FBXW4: variants seen among roughly 807,000 people sequenced by gnomAD.
FBXW4 encodes the protein F-box/WD repeat-containing protein 4.
In FBXW4, 40 loss-of-function variants were observed where a neutral mutation model predicts 61.8. The ratio of observed to expected loss-of-function variants is 0.65; its 90% CI spans 0.50 to 0.84. The LOEUF (loss-of-function observed/expected upper bound fraction) is 0.84, where lower values mean the gene tolerates loss of function less well. Ranked by LOEUF, FBXW4 falls within the 40% of genes least tolerant of loss-of-function variation. The pLI is 0.00. For synonymous variants in FBXW4, 311 were observed against 313.8 expected (o/e 0.99, Z 0.10); for missense variants, 672 against 753.8 (o/e 0.89, Z 1.27).
At chr10:101,679,251 C>A (rs2064447757) in intron 1 of FBXW4, among the ~76,000 whole-genome samples, 2 of 152,206 alleles carry the variant, frequency 1.3e-5, no homozygotes, top group Admixed American at 1.3e-4. Flanking sequence ...ATAAATCTCT[C>A]TGGATCATTA....
intron 5 of FBXW4, among the ~76,000 whole-genome samples, chr10:101,645,987 G>A (rs145784702): frequency 2.0e-5 from 3 of 152,244 alleles, no homozygotes; most frequent in Non-Finnish European, 2.9e-5. Context: ...GTACCTATCT[G>A]GGGGGATTAA....
intron 5 of FBXW4, among the ~76,000 whole-genome samples, chr10:101,633,310 A>G (rs756387245): frequency 4.6e-5 from 7 of 152,216 alleles, no homozygotes; most frequent in Non-Finnish European, 1.0e-4. Flanking sequence ...GGGGACATCA[A>G]TGAAGCTGGA....
intron 1 of FBXW4, among the ~76,000 whole-genome samples, chr10:101,693,854 A>C (rs76613904): frequency 0.015 from 2,345 of 152,234 alleles, 53 homozygotes; most frequent in African/African-American, 0.054. Context: ...ATGAAGTCAT[A>C]AACTATGGCT....
chr10:101,684,455 A>C (rs1319055196), intron 1 of FBXW4, among the ~76,000 whole-genome samples: 1 of 152,152 alleles, frequency 6.6e-6, no homozygotes. Flanking sequence ...TGTTTAATAG[A>C]GATGGGGTTT....
intron 4 of FBXW4, among the ~76,000 whole-genome samples, chr10:101,670,616 A>G (rs766213959): frequency 2.4e-4 from 36 of 152,198 alleles, no homozygotes; most frequent in Non-Finnish European, 4.9e-4. Context: ...TCTCATCCTA[A>G]GGATAAGAGG....
chr10:101,631,180 C>T (rs924883389), intron 5 of FBXW4, among the ~76,000 whole-genome samples: 5 of 152,164 alleles, frequency 3.3e-5, no homozygotes, highest in African/African-American at 1.2e-4. Context: ...ATACCATTAC[C>T]TCAAAGAGAC....
chr10:101,633,953 A>G (rs1259812906), intron 5 of FBXW4, among the ~76,000 whole-genome samples: 1 of 151,906 alleles, frequency 6.6e-6, no homozygotes, highest in Non-Finnish European at 1.5e-5. Flanking sequence ...TAAAAAATAT[A>G]TATATATAAA....
rs2064663058 is a variant in FBXW4, at chr10:101,695,112, C to CCGCGGGGCCGGCCCGA, written c.-23_-8dup. 1 of 985,358 alleles carries CCGCGGGGCCGGCCCGA rather than the reference C, an allele frequency of 1.0e-6. No individual in the cohort carries two copies. Among genetic ancestry groups the CCGCGGGGCCGGCCCGA allele is most frequent in the Non-Finnish European group, 1.2e-6 (1 of 830,228 alleles). 61.0% of individuals were successfully genotyped at this position (985,358 alleles called of 1,614,324 possible). A position where few individuals can be genotyped will look rare whatever the true frequency, so the allele number is the denominator to read the frequency against. ...AGCGGCCCTGGCTGCCCATGAGCGG[C>CCGCGGGGCCGGCCCGA]CGCGGGGCCGGCCCGACGCGGAGCC... On this transcript the variant is annotated 5_prime_UTR_variant, in exon 1 of 9. Transcript: ENST00000331272. This position sits in a 1 kb window ranked among gnomAD's most constrained non-coding sequence, Gnocchi z 4.2.
rs771521057 is a variant in FBXW4 at position 101,667,230 on chromosome 10, C to CA, written c.1235+655dup. 8.6e-3 allele frequency among the ~76,000 whole-genome samples: 461 copies of CA among 53,852 alleles called. 1 individual carries two copies. The highest frequency in any genetic ancestry group is 0.012 in the Non-Finnish European group (306 of 26,240). The allele number at this position is 53,852 out of a possible 152,430, so 35.3% of individuals were successfully genotyped here. A position where few individuals can be genotyped will look rare whatever the true frequency, so the allele number is the denominator to read the frequency against. On this transcript the variant is annotated intron_variant, in intron 5 of 8. Transcript: ENST00000331272. ...TGGGTGACAGAGCGAGACTCCGTCT[C>CA]AAAAAAAAAAAAAAACCAAACACCC...
chr10:101,667,535 G>A (rs968654779), intron 5 of FBXW4, among the ~76,000 whole-genome samples: 3 of 152,102 alleles, frequency 2.0e-5, no homozygotes, highest in Non-Finnish European at 2.9e-5. Flanking sequence ...TGTCACCTCC[G>A]AGAGGTGGTG....
intron 4 of FBXW4, among the ~76,000 whole-genome samples, chr10:101,672,168 G>A (rs2064363567): frequency 6.6e-6 from 1 of 152,176 alleles, no homozygotes; most frequent in Non-Finnish European, 1.5e-5. Flanking sequence ...ACACTATTGG[G>A]CCTCCTGCAC....
At chr10:101,655,752 T>C (rs2064179770) in intron 5 of FBXW4, among the ~76,000 whole-genome samples, 1 of 152,234 alleles carries the variant, frequency 6.6e-6, no homozygotes, top group African/African-American at 2.4e-5. Flanking sequence ...TCTCGTGCTC[T>C]GGACTGGACC....
chr10:101,690,973 G>A (rs1005587774), intron 1 of FBXW4, among the ~76,000 whole-genome samples: 19 of 152,134 alleles, frequency 1.2e-4, no homozygotes, highest in Admixed American at 1.1e-3. Context: ...TGCTTACTAT[G>A]TGCTTAATGC....
At chr10:101,642,375 A>G (rs2064060635) in intron 5 of FBXW4, among the ~76,000 whole-genome samples, 1 of 135,688 alleles carries the variant, frequency 7.4e-6, no homozygotes, top group African/African-American at 2.7e-5. Context: ...ACATAGCGGG[A>G]CCCTATCTCT....
chr10:101,673,373 C>G lies in FBXW4; in HGVS notation c.1007+115G>C, dbSNP rs184200725. 75 of 1,202,962 alleles carry G rather than the reference C, an allele frequency of 6.2e-5. No homozygotes were observed. The East Asian group carries it at 9.4e-4, about 15-fold the overall frequency. 74.5% of individuals were successfully genotyped at this position (1,202,962 alleles called of 1,614,324 possible). On this transcript the variant is annotated intron_variant, in intron 3 of 8. Coordinates refer to ENST00000331272, the MANE Select transcript of FBXW4 (RefSeq NM_022039.4). Reference sequence around the variant, plus strand: ...AATCTCTCTGCTTTAAATGGAAAACCCTTCTGGTCTCCCTCCTCATCCCTT... The same window carrying G: ...AATCTCTCTGCTTTAAATGGAAAACGCTTCTGGTCTCCCTCCTCATCCCTT...
chr10:101,668,986 T>C (rs1589771523), intron 4 of FBXW4, among the ~76,000 whole-genome samples: 1 of 152,150 alleles, frequency 6.6e-6, no homozygotes. Flanking sequence ...GGACCTTAGA[T>C]GGAAGAACTT....
intron 5 of FBXW4, among the ~76,000 whole-genome samples, chr10:101,654,479 G>T (rs925989712): frequency 6.6e-6 from 1 of 151,976 alleles, no homozygotes; most frequent in Non-Finnish European, 1.5e-5. Flanking sequence ...AAAAAAGGGA[G>T]TATTCTCTCC....
intron 5 of FBXW4, among the ~76,000 whole-genome samples, chr10:101,655,004 T>A (rs2064174159): frequency 6.6e-6 from 1 of 151,996 alleles, no homozygotes; most frequent in Non-Finnish European, 1.5e-5. Context: ...TGTTTTTAGA[T>A]TTTTTTGTGG....
intron 5 of FBXW4, 119 bp from the exon 6 acceptor site, chr10:101,624,929 G>C (rs998760114): frequency 2.8e-6 from 3 of 1,087,506 alleles, no homozygotes; most frequent in Admixed American, 1.9e-5. Context: ...GCCAGAATGA[G>C]AGAAGTGGCC....
Sources: allele counts gnomAD v4.1 joint callset (sites outside exome capture counted in the v4.1 genomes callset), GRCh38; gene constraint gnomAD v4.1.1; non-coding constraint Gnocchi (gnomAD v3.1); transcripts MANE v1.5; gene names NCBI Gene and HGNC (gene_info 2026-07-23, HGNC 2026-07-21).